The following UNC5D variants were observed in gnomAD, a reference collection of about 807,000 sequenced individuals.
The protein encoded by UNC5D is netrin receptor UNC5D.
In UNC5D, 39 loss-of-function variants were observed where a neutral mutation model predicts 105.4. The observed-to-expected ratio is 0.37, with a 90% CI of 0.29 to 0.48. The LOEUF is 0.48. Among genes scored for constraint, UNC5D ranks in the 20% least tolerant of loss-of-function variants. UNC5D has a pLI of 0.98. For synonymous variants in UNC5D, 452 were observed against 450.4 expected, an observed-to-expected ratio of 1.00 and a Z score of -0.04; for missense variants, 991 against 1,202.4, an observed-to-expected ratio of 0.82 and a Z score of 2.60.
At chr8:35,576,520 G>A (rs1309126626) in intron 3 of UNC5D, among the ~76,000 whole-genome samples, 2 of 152,174 alleles carry the variant, frequency 1.3e-5, no homozygotes, top group African/African-American at 2.4e-5. Context: ...TACATAAATA[G>A]GCAAGGAATA....
At position 35,416,366 on chromosome 8, in the gene UNC5D, A is replaced by G. The variant is rs193031856; in HGVS notation, c.104-132926A>G. On this transcript the variant is annotated intron_variant, in intron 1 of 16. Coordinates refer to ENST00000404895, the MANE Select transcript of UNC5D (RefSeq NM_080872.4). ...TACAGAGCCCAGCAAAAGAAAGAAA[A>G]GTTCACGTTGTAATGCACTGATTTT... Among the ~76,000 whole-genome samples the G allele has an allele frequency of 2.6e-3, 398 of 152,272 alleles. 2 individuals are homozygous for G. The highest frequency in any genetic ancestry group is 8.9e-3 in the African/African-American group (372 of 41,570).
intron 15 of UNC5D, among the ~76,000 whole-genome samples, chr8:35,768,705 T>C (rs1319460618): frequency 6.6e-6 from 1 of 152,220 alleles, no homozygotes; most frequent in Non-Finnish European, 1.5e-5. Flanking sequence ...CTTAAAGCAC[T>C]TGAAAGGAAA....
intron 2 of UNC5D, among the ~76,000 whole-genome samples, chr8:35,561,764 T>C (rs1192861751): frequency 6.6e-6 from 1 of 152,190 alleles, no homozygotes; most frequent in Non-Finnish European, 1.5e-5. Flanking sequence ...TTTTAATTGA[T>C]ACATAATTTA....
At chr8:35,581,691 G>A (rs1490296134) in intron 3 of UNC5D, among the ~76,000 whole-genome samples, 2 of 151,884 alleles carry the variant, frequency 1.3e-5, no homozygotes, top group Non-Finnish European at 2.9e-5. Context: ...CACATTGTAA[G>A]CATGTATCAA....
At chr8:35,527,154 T>A (rs1236371762) in intron 1 of UNC5D, among the ~76,000 whole-genome samples, 1 of 152,220 alleles carries the variant, frequency 6.6e-6, no homozygotes, top group Non-Finnish European at 1.5e-5. Flanking sequence ...ACTGAGACTT[T>A]TATGATTTTC....
At chr8:35,401,894 T>G (rs1454766523) in intron 1 of UNC5D, among the ~76,000 whole-genome samples, 1 of 152,240 alleles carries the variant, frequency 6.6e-6, no homozygotes, top group Non-Finnish European at 1.5e-5. Flanking sequence ...CCATCTTTCC[T>G]GCTTACTTTC....
chr8:35,309,488 T>A (rs567061028), intron 1 of UNC5D, among the ~76,000 whole-genome samples: 8 of 152,312 alleles, frequency 5.3e-5, no homozygotes, highest in Middle Eastern at 3.4e-3. Context: ...CTGGGAAATA[T>A]GTGTCTGGAT....
intron 11 of UNC5D, among the ~76,000 whole-genome samples, chr8:35,741,926 C>G (rs1027314115): frequency 1.3e-5 from 2 of 152,096 alleles, no homozygotes; most frequent in African/African-American, 4.8e-5. Flanking sequence ...AACAAGCTTC[C>G]TAAGAAATTT....
intron 1 of UNC5D, among the ~76,000 whole-genome samples, chr8:35,413,292 T>TGTGTGTGTGTGTGTGTTG (rs56157732): frequency 1.2e-4 from 15 of 128,044 alleles, no homozygotes; most frequent in African/African-American, 3.7e-4. Context: ...TGTGTGTGTG[T>TGTGTGTGTGTGTGTGTTG]TGTGTGTGTG....
In UNC5D at chr8:35,792,473, C is replaced by A. The variant is rs1586655922; in HGVS notation, c.*1910C>A. 1 of 153,646 alleles carries A rather than the reference C, an allele frequency of 6.5e-6. No individual in the cohort carries two copies. The highest frequency in any genetic ancestry group is 2.0e-4 in the South Asian group (1 of 4,886). 9.5% of individuals were successfully genotyped at this position (153,646 alleles called of 1,614,324 possible). A position where few individuals can be genotyped will look rare whatever the true frequency, so the allele number is the denominator to read the frequency against. On this transcript the variant is annotated 3_prime_UTR_variant, in exon 17 of 17. Transcript: ENST00000404895. ...AACTGTCAAGCATATTTTCACAATA[C>A]CATGTCAAGATCAGGAAAACACCCT... is the stretch of plus-strand genomic sequence containing the variant.
chr8:35,449,460 G>A (rs1161806139), intron 1 of UNC5D, among the ~76,000 whole-genome samples: 2 of 152,048 alleles, frequency 1.3e-5, no homozygotes, highest in African/African-American at 4.8e-5. Flanking sequence ...GACCTGTCCC[G>A]CCCCATGCAT....
At chr8:35,399,870 C>T (rs1223322665) in intron 1 of UNC5D, among the ~76,000 whole-genome samples, 2 of 151,978 alleles carry the variant, frequency 1.3e-5, no homozygotes, top group Non-Finnish European at 2.9e-5. Flanking sequence ...TAATAATAGG[C>T]ATTTGACACA....
At chr8:35,520,287 CT>C (rs953749848) in intron 1 of UNC5D, among the ~76,000 whole-genome samples, 2 of 152,042 alleles carry the variant, frequency 1.3e-5, no homozygotes, top group Non-Finnish European at 2.9e-5. Flanking sequence ...AAATACTATG[CT>C]AAGTGAAAGA....
chr8:35,550,415 C>A (rs542011919), intron 2 of UNC5D, among the ~76,000 whole-genome samples: 1 of 152,104 alleles, frequency 6.6e-6, no homozygotes, highest in Non-Finnish European at 1.5e-5. Context: ...TCTGGTCACA[C>A]GTTAGATTGT....
At chr8:35,388,789 G>T (rs1369020396) in intron 1 of UNC5D, among the ~76,000 whole-genome samples, 1 of 152,068 alleles carries the variant, frequency 6.6e-6, no homozygotes, top group Non-Finnish European at 1.5e-5. Flanking sequence ...GTTATCTTTG[G>T]CTTATTTGTC....
intron 1 of UNC5D, among the ~76,000 whole-genome samples, chr8:35,260,440 T>A (rs985419051): frequency 1.3e-5 from 2 of 152,208 alleles, no homozygotes; most frequent in African/African-American, 4.8e-5. Flanking sequence ...CAAAGTGTTA[T>A]CTGCAGGAAG....
At chr8:35,498,079 CA>C (rs141361517) in intron 1 of UNC5D, among the ~76,000 whole-genome samples, 24,474 of 59,574 alleles carry the variant, frequency 0.41, 3,339 homozygotes, top group Admixed American at 0.51. Flanking sequence ...CAAAACAAAA[CA>C]AAACAAAAAA....
intron 1 of UNC5D, among the ~76,000 whole-genome samples, chr8:35,375,478 A>G (rs1802646321): frequency 6.6e-6 from 1 of 152,210 alleles, no homozygotes; most frequent in Non-Finnish European, 1.5e-5. Context: ...AATAAAAAAG[A>G]CAACATGCAC....
At chr8:35,238,306 T>C (rs1292999203) in intron 1 of UNC5D, among the ~76,000 whole-genome samples, 2 of 152,158 alleles carry the variant, frequency 1.3e-5, no homozygotes, top group South Asian at 4.1e-4. Context: ...AGATTTCAAA[T>C]TGGTTTTGAA....
Sources: gnomAD v4.1 joint callset for allele counts (sites outside exome capture counted in the v4.1 genomes callset) on GRCh38, gnomAD v4.1.1 for gene constraint, MANE v1.5 for transcripts, NCBI Gene and HGNC (gene_info 2026-07-23, HGNC 2026-07-21) for gene names.